Variants in DIAPH1 observed in about 807,000 individuals in gnomAD.
DIAPH1 encodes protein diaphanous homolog 1.
In DIAPH1, 46 loss-of-function variants were observed where a neutral mutation model predicts 140.7. The ratio of observed to expected loss-of-function variants is 0.33; its 90% CI spans 0.26 to 0.42. The LOEUF (loss-of-function observed/expected upper bound fraction) is 0.42. DIAPH1 is among the 10% of genes least tolerant of loss of function. The pLI is 1.00. For synonymous variants in DIAPH1, 565 were observed against 551.6 expected, an observed-to-expected ratio of 1.02 and a Z score of -0.34; for missense variants, 1,310 against 1,558.7, an observed-to-expected ratio of 0.84 and a Z score of 2.69.
At chr5:141,555,888 C>T (rs1476900078) in intron 18 of DIAPH1, among the ~76,000 whole-genome samples, 1 of 152,114 alleles carries the variant, frequency 6.6e-6, no homozygotes, top group African/African-American at 2.4e-5. Flanking sequence ...CTATAGTTTC[C>T]AAACTAGACA....
Position 141,525,966 on chromosome 5 carries a change from C to A in DIAPH1, c.3574+72G>T, listed in dbSNP as rs574379857. On this transcript the variant is annotated intron_variant, in intron 26 of 27. Transcript: ENST00000389054. ...AGGTGAGCTCAGACATGAGACTCTG[C>A]CTCTAGACTCTAGGCAGAGAAGTCT... 3.1e-6 allele frequency: 5 copies of A among 1,606,362 alleles called. No homozygotes were observed. In the African/African-American group the frequency reaches 5.3e-5, roughly 17 times the overall value.
Position 141,578,237 on chromosome 5 carries a change from C to T in DIAPH1, c.1151G>A (p.Arg384His), listed in dbSNP as rs200927557. Residue 384 changes from arginine to histidine, a missense_variant, in exon 11 of 28, where the codon CGC becomes CAC. Arg to His is a conservative substitution (Grantham distance 29). Around this residue, in one of 3 missense-constraint regions of DIAPH1, gnomAD observed 377 missense variants for 497.1 expected, o/e 0.76. Transcript: ENST00000389054. ...AGCAAAAGGATATTCCATCTCCATG[C>T]GAATGTCATCCAGCCGTCCCTTCAG... is the stretch of plus-strand genomic sequence containing the variant. ...YDLKGRLDDI[R>H]MEMDDFNEVF... 4.8e-5 allele frequency: 77 copies of T among 1,613,106 alleles called. No individual in the cohort carries two copies. The highest frequency in any genetic ancestry group is 6.4e-5 in the Non-Finnish European group (75 of 1,179,166).
chr5:141,578,095 T>C (rs2099896223), intron 11 of DIAPH1, 130 bp downstream of exon 11: 1 of 800,612 alleles, frequency 1.2e-6, no homozygotes, highest in East Asian at 2.4e-5. Context: ...CCTGCCTTAT[T>C]TAATGAGAAG....
chr5:141,591,950 C>T (rs1207445898), intron 1 of DIAPH1, among the ~76,000 whole-genome samples: 3 of 150,108 alleles, frequency 2.0e-5, no homozygotes, highest in South Asian at 4.2e-4. Flanking sequence ...GGTGTGGTGG[C>T]GCCTGCCTGT....
chr5:141,546,092 A>AAT (rs2099890758), intron 18 of DIAPH1, among the ~76,000 whole-genome samples: 1 of 152,166 alleles, frequency 6.6e-6, no homozygotes, highest in African/African-American at 2.4e-5. Context: ...AAAACATATG[A>AAT]GACTCTGGGG....
chr5:141,618,762 G>A (rs753549761), intron 1 of DIAPH1, 36 bp downstream of exon 1: 5 of 1,470,492 alleles, frequency 3.4e-6, no homozygotes, highest in East Asian at 2.5e-5. Flanking sequence ...GGGCGGTTAC[G>A]GGGCCAGGCA....
At position 141,566,775 on chromosome 5, in the gene DIAPH1, A is replaced by G. The variant is rs1050967865; in HGVS notation, c.2482+4653T>C. Among the ~76,000 whole-genome samples the G allele has an allele frequency of 5.6e-4, 85 of 152,216 alleles. 1 individual carries two copies. The highest frequency in any genetic ancestry group is 1.6e-3 in the African/African-American group (65 of 41,550). ...CCAGGTGTGGTGGTGCACACCTGTA[A>G]TCCCAGCTACTCGGGAGGCTGAGGC... is the stretch of plus-strand genomic sequence containing the variant. On this transcript the variant is annotated intron_variant, in intron 18 of 27. Transcript: ENST00000389054.
chr5:141,559,551 G>T (rs912259221), intron 18 of DIAPH1, among the ~76,000 whole-genome samples: 10 of 152,228 alleles, frequency 6.6e-5, no homozygotes, highest in African/African-American at 2.4e-4. Context: ...ACAGATATAA[G>T]TCTGGAAGGG....
intron 1 of DIAPH1, among the ~76,000 whole-genome samples, chr5:141,604,793 T>C (rs1332181292): frequency 1.3e-5 from 2 of 152,114 alleles, no homozygotes; most frequent in African/African-American, 4.8e-5. Flanking sequence ...ATACTACTAC[T>C]CAATAAGCCA....
chr5:141,528,228 GTT>G (rs2099887688), intron 23 of DIAPH1, among the ~76,000 whole-genome samples: 1 of 152,100 alleles, frequency 6.6e-6, no homozygotes, highest in Admixed American at 6.5e-5. Context: ...GTTTTTTGGT[GTT>G]TGGTGTTTCC....
At chr5:141,551,533 G>C (rs374369110) in intron 18 of DIAPH1, among the ~76,000 whole-genome samples, 18 of 152,184 alleles carry the variant, frequency 1.2e-4, no homozygotes, top group African/African-American at 4.1e-4. Flanking sequence ...AACACACACA[G>C]AGAGAGAAAA....
At position 141,529,227 on chromosome 5, in the gene DIAPH1, G is replaced by A. The variant is rs1471657738; in HGVS notation, c.2723C>T (p.Ser908Phe). The A allele has an allele frequency of 1.2e-6, 2 of 1,614,202 alleles. No individual in the cohort carries two copies. Among genetic ancestry groups the A allele is most frequent in the South Asian group, 2.2e-5 (2 of 91,080 alleles). ...GTCATCATATTCATCCTTCAGTTCA[G>A]AAAGCATTTTTAACTGCTCTGGCTC... ...MPEPEQLKML[S>F]ELKDEYDDLA... is the part of the protein sequence containing the mutation. The change falls in exon 21 of 28, where the codon TCT becomes TTT. Residue 908 changes from serine to phenylalanine, a missense_variant. This residue lies in a region of DIAPH1 where 344 missense variants were observed against 512.2 expected (regional missense o/e 0.67). Transcript: ENST00000389054.
At chr5:141,578,154 CCA>C in intron 11 of DIAPH1, 69 bp downstream of exon 11, 1 of 1,138,900 alleles carries the variant, frequency 8.8e-7, no homozygotes. Flanking sequence ...CCAAACCATT[CCA>C]CACAGGGATC....
intron 18 of DIAPH1, among the ~76,000 whole-genome samples, chr5:141,568,915 T>G (rs1443268247): frequency 1.3e-5 from 2 of 152,176 alleles, no homozygotes; most frequent in Non-Finnish European, 2.9e-5. Flanking sequence ...GTGCTTCTAC[T>G]AGATAAACAT....
At chr5:141,566,646 G>A (rs956173311) in intron 18 of DIAPH1, among the ~76,000 whole-genome samples, 1 of 152,170 alleles carries the variant, frequency 6.6e-6, no homozygotes, top group Non-Finnish European at 1.5e-5. Flanking sequence ...TGTAATCCCA[G>A]CACTTTGGGA....
At chr5:141,562,426 C>T (rs191103546) in intron 18 of DIAPH1, among the ~76,000 whole-genome samples, 66 of 151,766 alleles carry the variant, frequency 4.3e-4, no homozygotes, top group Admixed American at 2.7e-3. Flanking sequence ...AGAGGAAGGA[C>T]AAGAATCTGT....
chr5:141,606,789 T>C (rs1056763917), intron 1 of DIAPH1, among the ~76,000 whole-genome samples: 2 of 152,180 alleles, frequency 1.3e-5, no homozygotes, highest in Non-Finnish European at 2.9e-5. Context: ...CAGAGATGAA[T>C]AATAATCTCT....
intron 1 of DIAPH1, among the ~76,000 whole-genome samples, chr5:141,595,147 G>C (rs1426785322): frequency 2.6e-5 from 4 of 152,128 alleles, no homozygotes; most frequent in Non-Finnish European, 4.4e-5. Flanking sequence ...AAAGAGAACT[G>C]TGGTTGCCAA....
intron 1 of DIAPH1, among the ~76,000 whole-genome samples, chr5:141,610,911 TA>T (rs113661770): frequency 0.2 from 26,103 of 127,466 alleles, 2,398 homozygotes; most frequent in Admixed American, 0.31. Context: ...CCCACCACTA[TA>T]AAAAAAAAAA....
Sources: gnomAD v4.1 joint callset for allele counts (sites outside exome capture counted in the v4.1 genomes callset) on GRCh38, gnomAD v4.1.1 for gene constraint, gnomAD v4.1.1 regional missense constraint, MANE v1.5 for transcripts, NCBI Gene and HGNC (gene_info 2026-07-23, HGNC 2026-07-21) for gene names.